Variants in CNOT10 observed in about 807,000 individuals in gnomAD.
CNOT10 encodes CCR4-NOT transcription complex subunit 10.
CNOT10 carries 30 observed loss-of-function variants against 94.6 expected under a neutral mutation model. The ratio of observed to expected loss-of-function variants is 0.32; its 90% CI spans 0.24 to 0.43. The LOEUF (loss-of-function observed/expected upper bound fraction) is 0.43, where lower values mean the gene tolerates loss of function less well. CNOT10 is among the 20% of genes least tolerant of loss of function. The probability of loss-of-function intolerance (pLI) is 1.00; values close to 1 mark genes in which losing one functional copy is unlikely to be tolerated. For missense variants in CNOT10, 759 were observed against 877.2 expected (o/e 0.87, Z 1.70); for synonymous variants, 289 against 301.6 (o/e 0.96, Z 0.43).
intron 17 of CNOT10, among the ~76,000 whole-genome samples, chr3:32,765,657 CA>C (rs199748186): frequency 1.3e-4 from 6 of 44,724 alleles, no homozygotes; most frequent in Non-Finnish European, 2.0e-4. Context: ...CCTGTCCCCC[CA>C]AAAAAAAAAG....
At chr3:32,753,395 A>T (rs757106572) in intron 13 of CNOT10, 5 of 1,403,368 alleles carry the variant, frequency 3.6e-6, no homozygotes, top group Non-Finnish European at 5.0e-6. Context: ...TCAAAGAATG[A>T]TGTAAATGTG....
At chr3:32,715,747 A>G (rs187737184) in intron 5 of CNOT10, among the ~76,000 whole-genome samples, 3 of 152,338 alleles carry the variant, frequency 2.0e-5, no homozygotes, top group Admixed American at 2.0e-4. Flanking sequence ...TCATGAGTAG[A>G]GCTTCCTGTC....
intron 7 of CNOT10, among the ~76,000 whole-genome samples, 174 bp from the exon 8 acceptor site, chr3:32,719,938 AGT>A (rs1478561777): frequency 1.3e-5 from 2 of 152,166 alleles, no homozygotes; most frequent in Non-Finnish European, 2.9e-5. Flanking sequence ...CTCTCTGACA[AGT>A]TTCAATTTTT....
chr3:32,723,761 A>G (rs1698527423), intron 8 of CNOT10, among the ~76,000 whole-genome samples: 1 of 152,164 alleles, frequency 6.6e-6, no homozygotes, highest in Admixed American at 6.5e-5. Context: ...ACTAGTAACC[A>G]ACAGAAAAAA....
At chr3:32,705,176 T>C (rs1697556683) in intron 3 of CNOT10, among the ~76,000 whole-genome samples, 1 of 152,212 alleles carries the variant, frequency 6.6e-6, no homozygotes, top group Non-Finnish European at 1.5e-5. Context: ...GGGGTTTTAA[T>C]GAACTTGAAC....
At chr3:32,752,887 C>A in intron 13 of CNOT10, 1 of 336,904 alleles carries the variant, frequency 3.0e-6, no homozygotes, top group Admixed American at 4.0e-5. Context: ...GCAGCTCCGG[C>A]GGCAGCAGCA....
chr3:32,752,947 G>A (rs545522895), intron 13 of CNOT10: 2 of 435,112 alleles, frequency 4.6e-6, no homozygotes, highest in Admixed American at 2.9e-5. Flanking sequence ...ACTTCCCAGA[G>A]GTTTTTCCAG....
chr3:32,771,962 G>A (rs1439964775), intron 18 of CNOT10, among the ~76,000 whole-genome samples: 1 of 152,104 alleles, frequency 6.6e-6, no homozygotes, highest in African/African-American at 2.4e-5. Context: ...GGGCATATAC[G>A]ATCTCCAAGA....
chr3:32,758,348 T>C (rs2125629021), intron 13 of CNOT10, among the ~76,000 whole-genome samples: 1 of 152,314 alleles, frequency 6.6e-6, no homozygotes, highest in East Asian at 1.9e-4. Flanking sequence ...TCTAAGATTC[T>C]AGGAACCAAA....
Position 32,740,227 on chromosome 3 carries a change from G to A in CNOT10, c.1595+2737G>A, listed in dbSNP as rs986474070. 4.6e-5 allele frequency among the ~76,000 whole-genome samples: 7 copies of A among 152,190 alleles called. No individual in the cohort carries two copies. In the East Asian group the frequency reaches 9.7e-4, roughly 21 times the overall value. On this transcript the variant is annotated intron_variant, in intron 13 of 18. Transcript: ENST00000328834. ...TGTAATCCCAGCCCTTTGGGAGGCC[G>A]AGGTGGGCGGATCACGAGGTCAGGA...
Position 32,703,927 on chromosome 3 carries a change from A to G in CNOT10, c.82A>G (p.Lys28Glu), listed in dbSNP as rs1161490188. The change falls in exon 2 of 19, where the codon AAG (lysine) becomes GAG (glutamate). Residue 28 changes from lysine (K) to glutamate (E), a missense_variant. By Grantham distance (56) the Lys-to-Glu change is moderately conservative (BLOSUM62 1). Transcript: ENST00000328834. ...GTCCTCTGGGATCACTGATCAAGAG[A>G]AGGAGTTATCCACCAATGCTTTCCA... is the stretch of plus-strand genomic sequence containing the variant. ...GQSSGITDQE[K>E]ELSTNAFQAF... 6.2e-7 allele frequency: 1 copy of G among 1,613,850 alleles called. No individual in the cohort carries two copies. Among genetic ancestry groups the G allele is most frequent in the Non-Finnish European group, 8.5e-7 (1 of 1,179,746 alleles).
rs1175710390 is a variant in CNOT10 at position 32,704,960 on chromosome 3, G to A, written c.267G>A (p.Gln89=). Residue 89 remains glutamine (Q), a synonymous_variant, in exon 3 of 19, where the codon CAG becomes CAA. Coordinates refer to ENST00000328834, the MANE Select transcript of CNOT10 (RefSeq NM_015442.3). ...TTDNLRQTLN[Q]LKNQVHSAVE... The stretch of plus-strand genomic sequence containing the variant: ...ATAATTTGAGACAAACACTTAACCA[G>A]CTGAAGAATCAGGTGATACATAAAT... The A allele has an allele frequency of 6.5e-7, 1 of 1,531,166 alleles. No individual in the cohort carries two copies. Among genetic ancestry groups the A allele is most frequent in the East Asian group, 2.5e-5 (1 of 40,674 alleles). 94.8% of individuals were successfully genotyped at this position (1,531,166 alleles called of 1,614,324 possible). A position where few individuals can be genotyped will look rare whatever the true frequency, so the allele number is the denominator to read the frequency against.
chr3:32,741,484 C>G (rs1026888545), intron 13 of CNOT10, among the ~76,000 whole-genome samples: 1 of 151,884 alleles, frequency 6.6e-6, no homozygotes, highest in Non-Finnish European at 1.5e-5. Flanking sequence ...TAAGAAACTG[C>G]CAAGGCCAGG....
intron 14 of CNOT10, 78 bp downstream of exon 14, chr3:32,759,649 C>G: frequency 1.1e-6 from 1 of 935,466 alleles, no homozygotes; most frequent in East Asian, 2.4e-5. Flanking sequence ...TATGTTGCTT[C>G]TTTTGACTCC....
chr3:32,769,117 T>A (rs1458395696), intron 17 of CNOT10: 1 of 152,212 alleles, frequency 6.6e-6, no homozygotes, highest in Non-Finnish European at 1.5e-5. Context: ...CTCTGTTCAA[T>A]AAGTATTTGT....
intron 13 of CNOT10, among the ~76,000 whole-genome samples, chr3:32,758,740 G>A (rs1309830986): frequency 6.6e-6 from 1 of 152,168 alleles, no homozygotes; most frequent in Non-Finnish European, 1.5e-5. Flanking sequence ...AACCAGACTT[G>A]TTTTAAATGA....
chr3:32,763,607 G>A (rs1031527292), intron 15 of CNOT10, among the ~76,000 whole-genome samples: 9 of 151,662 alleles, frequency 5.9e-5, no homozygotes, highest in African/African-American at 1.5e-4. Flanking sequence ...CCAAGATCAC[G>A]CCACTGCACT....
Position 32,713,251 on chromosome 3 carries a change from G to A in CNOT10, c.455G>A (p.Cys152Tyr). Residue 152 changes from cysteine to tyrosine, a missense_variant, in exon 5 of 19, where the codon TGT (cysteine) becomes TAT (tyrosine). Physicochemically the swap from Cys to Tyr is radical, Grantham distance 194. Around this residue, in one of 3 missense-constraint regions of CNOT10, gnomAD observed 682 missense variants for 799.4 expected, o/e 0.85. Coordinates refer to ENST00000328834, the MANE Select transcript of CNOT10 (RefSeq NM_015442.3). ...GAAGAAAAATTTGCCCAAGCAGTGT[G>A]TTTTTTGCTTGTAGACCTGTATATA... is the stretch of plus-strand genomic sequence containing the variant. The part of the protein sequence containing the change: ...PFEEKFAQAV[C>Y]FLLVDLYILT... The A allele has an allele frequency of 1.9e-6, 3 of 1,577,952 alleles. No homozygotes were observed. Among genetic ancestry groups the A allele is most frequent in the Non-Finnish European group, 2.6e-6 (3 of 1,170,486 alleles).
chr3:32,749,610 A>C (rs922783713), intron 13 of CNOT10, among the ~76,000 whole-genome samples: 2 of 151,782 alleles, frequency 1.3e-5, no homozygotes, highest in African/African-American at 4.8e-5. Context: ...GGATTTCCCC[A>C]TGTTGGTCAT....
Sources: allele counts gnomAD v4.1 joint callset (sites outside exome capture counted in the v4.1 genomes callset), GRCh38; gene constraint gnomAD v4.1.1; regional missense constraint gnomAD v4.1.1; transcripts MANE v1.5; gene names NCBI Gene and HGNC (gene_info 2026-07-23, HGNC 2026-07-21).